PTPRJ: variants seen among roughly 807,000 people sequenced by gnomAD.
The protein encoded by PTPRJ is protein tyrosine phosphatase receptor type J, also known as receptor-type tyrosine-protein phosphatase eta.
Under a neutral mutation model 141.3 loss-of-function variants are expected in PTPRJ, and 129 were observed. The observed-to-expected ratio is 0.91, with a 90% CI of 0.79 to 1.06. PTPRJ has a LOEUF of 1.06. PTPRJ is among the 50% of genes least tolerant of loss of function. PTPRJ has a pLI of 0.00. For missense variants in PTPRJ, 1,601 were observed against 1,679.7 expected (o/e 0.95, Z 0.82); for synonymous variants, 610 against 640.5 (o/e 0.95, Z 0.72).
At chr11:48,056,112 G>A (rs368343503) in intron 1 of PTPRJ, among the ~76,000 whole-genome samples, 4 of 152,310 alleles carry the variant, frequency 2.6e-5, no homozygotes, top group African/African-American at 4.8e-5. Flanking sequence ...CACGCATTGT[G>A]GAGCTTTTTT....
intron 1 of PTPRJ, among the ~76,000 whole-genome samples, chr11:48,098,376 G>A (rs923380919): frequency 1.3e-5 from 2 of 152,146 alleles, no homozygotes; most frequent in Admixed American, 6.5e-5. Context: ...GGCTTATGCC[G>A]AGGCTCACAG....
intron 1 of PTPRJ, among the ~76,000 whole-genome samples, chr11:48,099,666 T>C (rs1856104964): frequency 1.3e-5 from 2 of 152,140 alleles, no homozygotes; most frequent in African/African-American, 4.8e-5. Context: ...TCTTTTTCCA[T>C]TGCATGGATG....
chr11:48,151,978 G>T (rs2134377164), intron 18 of PTPRJ, among the ~76,000 whole-genome samples: 1 of 152,282 alleles, frequency 6.6e-6, no homozygotes, highest in Non-Finnish European at 1.5e-5. Context: ...GGGATGGCTG[G>T]GTCAAATGGT....
intron 22 of PTPRJ, among the ~76,000 whole-genome samples, chr11:48,161,224 A>G (rs893461144): frequency 6.6e-6 from 1 of 150,928 alleles, no homozygotes; most frequent in East Asian, 2.0e-4. Context: ...GGTAGACTAT[A>G]TAATTACCAT....
In PTPRJ at chr11:48,125,143, G is replaced by GA; in HGVS notation, c.1052dup (p.Asn351LysfsTer21). The GA allele has an allele frequency of 6.2e-7, 1 of 1,614,078 alleles. No individual in the cohort carries two copies. Among genetic ancestry groups the GA allele is most frequent in the Non-Finnish European group, 8.5e-7 (1 of 1,180,024 alleles). ...ATGCCACCGTTTATTCCCAAGCAGC[G>GA]AATGGCACAGAAGGACAGCCCCAGG... On this transcript the variant is annotated frameshift_variant, in exon 6 of 25. Transcript: ENST00000418331. LOFTEE classifies it high-confidence loss of function.
intron 1 of PTPRJ, chr11:48,096,635 C>T (rs1487414205): frequency 1.3e-5 from 2 of 154,248 alleles, no homozygotes; most frequent in African/African-American, 4.8e-5. Context: ...CAGTTCACCC[C>T]CCAGAGCTGT....
Position 48,155,883 on chromosome 11 carries a change from G to C in PTPRJ, c.3303+9G>C. On this transcript the variant is annotated intron_variant, in intron 20 of 24. Coordinates refer to ENST00000418331, the MANE Select transcript of PTPRJ (RefSeq NM_002843.4). ...ATGCCAACTACATGCCTGTAAGTTG[G>C]GGGACGGTCTCACAGCACTGGACTG... 6.3e-7 allele frequency: 1 copy of C among 1,599,668 alleles called. No individual in the cohort carries two copies. Among genetic ancestry groups the C allele is most frequent in the East Asian group, 2.2e-5 (1 of 44,790 alleles).
intron 18 of PTPRJ, among the ~76,000 whole-genome samples, chr11:48,150,849 C>T (rs1857464163): frequency 6.6e-6 from 1 of 152,190 alleles, no homozygotes; most frequent in Non-Finnish European, 1.5e-5. Context: ...CCTTTGCTCT[C>T]TTGAAATCCT....
At chr11:48,020,163 G>A (rs1484381753) in intron 1 of PTPRJ, among the ~76,000 whole-genome samples, 1 of 152,182 alleles carries the variant, frequency 6.6e-6, no homozygotes, top group Non-Finnish European at 1.5e-5. Flanking sequence ...ACAGAGCTGA[G>A]TTTGGTGAAA....
At chr11:47,982,338 G>A (rs1853932414) in intron 1 of PTPRJ, among the ~76,000 whole-genome samples, 1 of 152,204 alleles carries the variant, frequency 6.6e-6, no homozygotes. Context: ...TCAGTTAACC[G>A]CATCTGTAGA....
At chr11:48,071,068 A>T (rs545808596) in intron 1 of PTPRJ, among the ~76,000 whole-genome samples, 1 of 152,230 alleles carries the variant, frequency 6.6e-6, no homozygotes, top group South Asian at 2.1e-4. Context: ...AGGTAGAGGG[A>T]CTTGGTTATC....
chr11:48,139,382 T>G lies in PTPRJ; in HGVS notation c.2153-104T>G, dbSNP rs900747688. 3.4e-5 allele frequency: 43 copies of G among 1,273,578 alleles called. No individual in the cohort carries two copies. The highest frequency in any genetic ancestry group is 7.7e-6 in the Non-Finnish European group (7 of 914,412). The allele number at this position is 1,273,578 out of a possible 1,614,324, so 78.9% of individuals were successfully genotyped here. A position where few individuals can be genotyped will look rare whatever the true frequency, so the allele number is the denominator to read the frequency against. On this transcript the variant is annotated intron_variant, in intron 10 of 24. Transcript: ENST00000418331. ...GTCAGCCCCTGCCTCTTCCACCACATCACCCACCCACCTTCTCATCCCCAG... is the reference window on the plus strand; with the variant it reads ...GTCAGCCCCTGCCTCTTCCACCACAGCACCCACCCACCTTCTCATCCCCAG...
intron 1 of PTPRJ, among the ~76,000 whole-genome samples, chr11:48,007,815 G>T (rs1168260273): frequency 1.3e-5 from 2 of 152,200 alleles, no homozygotes; most frequent in African/African-American, 2.4e-5. Context: ...ATAAAACTGG[G>T]CAGGCCCAGA....
chr11:48,110,178 C>T (rs1235601949), intron 2 of PTPRJ, 102 bp downstream of exon 2: 2 of 1,274,616 alleles, frequency 1.6e-6, no homozygotes, highest in Non-Finnish European at 2.2e-6. Context: ...TTATTAAAAC[C>T]TGCTCGGTTT....
chr11:48,079,955 C>T (rs1855516439), intron 1 of PTPRJ, among the ~76,000 whole-genome samples: 1 of 152,166 alleles, frequency 6.6e-6, no homozygotes, highest in South Asian at 2.1e-4. Context: ...CATCCCGAAG[C>T]ATATCCCCCA....
intron 1 of PTPRJ, among the ~76,000 whole-genome samples, chr11:48,082,613 A>AGG (rs778088457): frequency 6.8e-6 from 1 of 147,734 alleles, no homozygotes; most frequent in African/African-American, 2.5e-5. Flanking sequence ...CCAGCCTGAT[A>AGG]TTGCTATTTT....
intron 18 of PTPRJ, among the ~76,000 whole-genome samples, chr11:48,153,298 G>T (rs904709908): frequency 6.6e-6 from 1 of 152,018 alleles, no homozygotes; most frequent in Admixed American, 6.6e-5. Flanking sequence ...ACTTTGGGAG[G>T]CCAAGGTGGG....
rs148415595 is a variant in PTPRJ, at chr11:48,128,899, A to G, written c.1357+856A>G. Among the ~76,000 whole-genome samples, 16 of 152,332 alleles carry G rather than the reference A, an allele frequency of 1.1e-4. No individual in the cohort carries two copies. The East Asian group carries it at 2.1e-3, about 20-fold the overall frequency. ...TTCTTATAGATGTATTTTGGACTGG[A>G]TCTTTGGGAAAATGAAATATGCTTG... is the stretch of plus-strand genomic sequence containing the variant. On this transcript the variant is annotated intron_variant, in intron 7 of 24. Coordinates refer to ENST00000418331, the MANE Select transcript of PTPRJ (RefSeq NM_002843.4).
chr11:48,077,370 A>C (rs979532483), intron 1 of PTPRJ, among the ~76,000 whole-genome samples: 1 of 152,150 alleles, frequency 6.6e-6, no homozygotes, highest in Admixed American at 6.5e-5. Context: ...GTGTGGGCTG[A>C]AAGAGAAGAC....
Sources: allele counts gnomAD v4.1 joint callset (sites outside exome capture counted in the v4.1 genomes callset), GRCh38; gene constraint gnomAD v4.1.1; transcripts MANE v1.5; gene names NCBI Gene and HGNC (gene_info 2026-07-23, HGNC 2026-07-21).